The following HYDIN variants were observed in gnomAD, a reference collection of about 807,000 sequenced individuals.
HYDIN encodes axonemal central pair apparatus protein HYDIN.
HYDIN carries 132 observed loss-of-function variants against 403.9 expected under a neutral mutation model. The observed-to-expected ratio is 0.33, with a 90% CI of 0.28 to 0.38. The LOEUF (loss-of-function observed/expected upper bound fraction) is 0.38. HYDIN is among the 10% of genes least tolerant of loss of function. HYDIN has a pLI of 1.00. For missense variants in HYDIN, 2,827 were observed against 5,009.5 expected (o/e 0.56, Z 13.15); for synonymous variants, 1,202 against 1,891.7 (o/e 0.64, Z 9.46).
intron 1 of HYDIN, among the ~76,000 whole-genome samples, chr16:71,228,666 G>A (rs556443844): frequency 1.2e-4 from 19 of 152,346 alleles, no homozygotes; most frequent in South Asian, 8.3e-4. Context: ...ACAGGTGCTG[G>A]AGAGGACGTG....
intron 30 of HYDIN, among the ~76,000 whole-genome samples, chr16:70,976,847 A>C (rs1192578852): frequency 6.6e-6 from 1 of 152,212 alleles, no homozygotes; most frequent in Non-Finnish European, 1.5e-5. Flanking sequence ...GCTAATCCTT[A>C]AGTCTAGGCC....
intron 23 of HYDIN, among the ~76,000 whole-genome samples, chr16:71,003,545 A>G (rs1291310346): frequency 6.6e-6 from 1 of 152,056 alleles, no homozygotes; most frequent in African/African-American, 2.4e-5. Context: ...CCTGTAAGCA[A>G]TCCCAGAACT....
At chr16:71,161,587 A>C (rs979552237) in intron 6 of HYDIN, among the ~76,000 whole-genome samples, 2 of 152,248 alleles carry the variant, frequency 1.3e-5, no homozygotes, top group South Asian at 2.1e-4. Context: ...CAGCAACAGC[A>C]GATTGAGTCC....
chr16:70,937,935 C>T (rs1193866023), intron 44 of HYDIN, among the ~76,000 whole-genome samples: 10 of 152,026 alleles, frequency 6.6e-5, no homozygotes, highest in Admixed American at 2.6e-4. Context: ...TGAGATAGCC[C>T]GAGGTGGCAG....
rs2035151092 is a variant in HYDIN, at chr16:70,807,320, C to A, written c.*260G>T. 2 of 427,634 alleles carry A rather than the reference C, an allele frequency of 4.7e-6. No homozygotes were observed. Among genetic ancestry groups the A allele is most frequent in the South Asian group, 7.7e-5 (2 of 25,826 alleles). The allele number at this position is 427,634 out of a possible 1,614,324, so 26.5% of individuals were successfully genotyped here. On this transcript the variant is annotated 3_prime_UTR_variant, in exon 86 of 86. Transcript: ENST00000393567. ...ATTACAAAGTACTTGAGCTTTGGGG[C>A]TATGTCAAGAAACTCAATTTAGGGA... is the stretch of plus-strand genomic sequence containing the variant.
chr16:70,834,331 C>CTA (rs2037222366), intron 78 of HYDIN, among the ~76,000 whole-genome samples, 167 bp from the exon 79 acceptor site: 1 of 150,840 alleles, frequency 6.6e-6, no homozygotes, highest in Non-Finnish European at 1.5e-5. Flanking sequence ...GTGACTTACT[C>CTA]TATGTTGAAG....
intron 35 of HYDIN, among the ~76,000 whole-genome samples, chr16:70,971,356 G>A (rs1258886899): frequency 1.3e-5 from 2 of 152,240 alleles, no homozygotes; most frequent in East Asian, 3.8e-4. Flanking sequence ...ATTACAACCA[G>A]ATACTGGTTA....
chr16:71,007,226 T>C (rs966277829), intron 23 of HYDIN, among the ~76,000 whole-genome samples: 2 of 152,084 alleles, frequency 1.3e-5, no homozygotes, highest in African/African-American at 4.8e-5. Context: ...TCTTTGGAAA[T>C]GTCTGGCACA....
At chr16:71,100,606 G>C (rs1322912315) in intron 10 of HYDIN, among the ~76,000 whole-genome samples, 1 of 152,224 alleles carries the variant, frequency 6.6e-6, no homozygotes, top group Non-Finnish European at 1.5e-5. Flanking sequence ...ATGTGAATTT[G>C]ATTTATATCA....
chr16:70,926,900 C>G (rs1372487286), intron 45 of HYDIN, among the ~76,000 whole-genome samples: 4 of 152,062 alleles, frequency 2.6e-5, no homozygotes, highest in African/African-American at 9.7e-5. Context: ...GAAAAAAAGA[C>G]AGCGAACTAG....
intron 47 of HYDIN, among the ~76,000 whole-genome samples, chr16:70,909,840 C>T (rs1184432338): frequency 6.6e-6 from 1 of 151,544 alleles, no homozygotes; most frequent in Non-Finnish European, 1.5e-5. Context: ...GGACTACAGG[C>T]GCCTGCCACC....
chr16:71,118,859 C>T (rs904303893), intron 9 of HYDIN, among the ~76,000 whole-genome samples: 6 of 151,956 alleles, frequency 3.9e-5, no homozygotes, highest in African/African-American at 1.5e-4. Context: ...CTCAGGACTA[C>T]TGAAATCCTG....
At position 70,970,352 on chromosome 16, in the gene HYDIN, T is replaced by C. The variant is rs374880618; in HGVS notation, c.5619+168A>G. ...ACTGTTGGAATTTTAACCATGAACA[T>C]GCATTAGCTTTTCAATTAGTTGCTT... On this transcript the variant is annotated intron_variant, in intron 36 of 85. Coordinates refer to ENST00000393567, the MANE Select transcript of HYDIN (RefSeq NM_001270974.2). Among the ~76,000 whole-genome samples the C allele has an allele frequency of 3.9e-4, 45 of 115,708 alleles. 1 individual carries two copies. The highest frequency in any genetic ancestry group is 1.4e-3 in the African/African-American group (43 of 29,816). The allele number at this position is 115,708 out of a possible 152,430, so 75.9% of individuals were successfully genotyped here. A position where few individuals can be genotyped will look rare whatever the true frequency, so the allele number is the denominator to read the frequency against.
chr16:71,163,569 C>T (rs1385325129), intron 5 of HYDIN, among the ~76,000 whole-genome samples: 7 of 152,150 alleles, frequency 4.6e-5, no homozygotes, highest in Admixed American at 4.6e-4. Flanking sequence ...AAGCTGAGAC[C>T]TCAAGAAGCT....
chr16:70,996,739 T>C (rs1199439296), intron 23 of HYDIN, among the ~76,000 whole-genome samples: 3 of 149,970 alleles, frequency 2.0e-5, no homozygotes, highest in African/African-American at 7.4e-5. Flanking sequence ...GGTCTAACTA[T>C]GCCTGGGAGA....
chr16:71,189,715 C>T lies in HYDIN; in HGVS notation c.-23-2797G>A, dbSNP rs149726304. Among the ~76,000 whole-genome samples the T allele has an allele frequency of 3.0e-3, 446 of 147,682 alleles. 2 individuals carry two copies. Among genetic ancestry groups the T allele is most frequent in the African/African-American group, 0.011 (419 of 39,750 alleles). ...CTGAGGAGTGGAGGTTGCAGTGAGC[C>T]GTGATGGCGCCACTACACTCTAGCC... On this transcript the variant is annotated intron_variant, in intron 1 of 85. Coordinates refer to ENST00000393567, the MANE Select transcript of HYDIN (RefSeq NM_001270974.2).
intron 23 of HYDIN, among the ~76,000 whole-genome samples, chr16:70,993,911 C>G (rs2079440592): frequency 6.6e-6 from 1 of 151,712 alleles, no homozygotes; most frequent in Admixed American, 6.6e-5. Flanking sequence ...CATTAATAGG[C>G]TTAGTTTAAA....
At chr16:70,864,755 C>T (rs2039643288) in intron 67 of HYDIN, among the ~76,000 whole-genome samples, 2 of 151,946 alleles carry the variant, frequency 1.3e-5, no homozygotes, top group Non-Finnish European at 2.9e-5. Context: ...AAAAAGAGTT[C>T]TCAGTTTAGG....
At chr16:71,020,567 G>A (rs1195776439) in intron 21 of HYDIN, among the ~76,000 whole-genome samples, 1 of 152,166 alleles carries the variant, frequency 6.6e-6, no homozygotes, top group Admixed American at 6.5e-5. Context: ...CCAGCACTTT[G>A]GGAGGCCAAG....
Sources: gnomAD v4.1 joint callset for allele counts (sites outside exome capture counted in the v4.1 genomes callset) on GRCh38, gnomAD v4.1.1 for gene constraint, MANE v1.5 for transcripts, NCBI Gene and HGNC (gene_info 2026-07-23, HGNC 2026-07-21) for gene names.